Variants in DNMT1 observed in about 807,000 individuals in gnomAD.
The protein encoded by DNMT1 is DNA methyltransferase 1.
Under a neutral mutation model 205.3 loss-of-function variants are expected in DNMT1, and 24 were observed. That is an observed-to-expected ratio of 0.12 (90% CI 0.08 to 0.16). DNMT1 has a LOEUF of 0.16. Ranked by LOEUF, DNMT1 falls within the 10% of genes least tolerant of loss-of-function variation. The probability of loss-of-function intolerance (pLI) is 1.00; values close to 1 mark genes in which losing one functional copy is unlikely to be tolerated. For synonymous variants in DNMT1, 817 were observed against 839.8 expected, an observed-to-expected ratio of 0.97 and a Z score of 0.47; for missense variants, 1,293 against 2,177.7, an observed-to-expected ratio of 0.59 and a Z score of 8.09.
intron 5 of DNMT1, among the ~76,000 whole-genome samples, chr19:10,178,896 G>A (rs1431831322): frequency 2.0e-5 from 3 of 152,074 alleles, no homozygotes; most frequent in Non-Finnish European, 4.4e-5. Context: ...GGAGGCCGAG[G>A]CGGGCGGATC....
chr19:10,154,458 C>T lies in DNMT1; in HGVS notation c.1854G>A (p.Gln618=). ...LGQRRAQARR[Q]TIRHSTREKD... is the part of the protein sequence containing the mutation. ...TCTCCCTGGTAGAATGCCTGATGGT[C>T]TGCCGCCTCGCCTGGGCTCGCCTAC... is the stretch of plus-strand genomic sequence containing the variant. The change falls in exon 22 of 41, where the codon CAG becomes CAA. Residue 618 remains glutamine, a synonymous_variant. Transcript: ENST00000359526. The surrounding 1 kb of genome is among the most constrained non-coding windows in gnomAD (Gnocchi z 6.3). 6.2e-7 allele frequency: 1 copy of T among 1,614,246 alleles called. No individual in the cohort carries two copies. The highest frequency in any genetic ancestry group is 8.5e-7 in the Non-Finnish European group (1 of 1,180,054).
Position 10,135,868 on chromosome 19 carries a change from G to T in DNMT1, c.4657-16C>A, listed in dbSNP as rs770715170. 5 of 1,543,416 alleles carry T rather than the reference G, an allele frequency of 3.2e-6. No individual in the cohort carries two copies. In the African/African-American group the frequency reaches 5.5e-5, roughly 17 times the overall value. On this transcript the variant is annotated splice_polypyrimidine_tract_variant and intron_variant, in intron 38 of 40. Transcript: ENST00000359526. ...GCACGCGGCCCTGGGGGAAAGAGGCGCGGTGGGCGAGGGCAGTAGCACCCA... is the reference window on the plus strand; with the variant it reads ...GCACGCGGCCCTGGGGGAAAGAGGCTCGGTGGGCGAGGGCAGTAGCACCCA...
chr19:10,138,012 G>A lies in DNMT1; in HGVS notation c.4116-3C>T. The A allele has an allele frequency of 6.2e-7, 1 of 1,609,396 alleles. No homozygotes were observed. Among genetic ancestry groups the A allele is most frequent in the Non-Finnish European group, 8.5e-7 (1 of 1,178,186 alleles). ...TCCGGAAAGGACCCGAGCTCAACCT[G>A]CAACAGAGGAGGAGGTCAACACCTC... On this transcript the variant is annotated splice_polypyrimidine_tract_variant and splice_region_variant and intron_variant, in intron 35 of 40. Coordinates refer to ENST00000359526, the MANE Select transcript of DNMT1 (RefSeq NM_001130823.3). The surrounding 1 kb of genome is among the most constrained non-coding windows in gnomAD (Gnocchi z 4.1).
intron 28 of DNMT1, chr19:10,144,191 C>T: frequency 1.5e-5 from 9 of 612,508 alleles, no homozygotes; most frequent in Non-Finnish European, 2.7e-5. Flanking sequence ...AGGTGGACCA[C>T]AAGGTCAGAA....
chr19:10,134,352 C>G, intron 39 of DNMT1, 45 bp from the exon 40 acceptor site: 2 of 1,584,802 alleles, frequency 1.3e-6, no homozygotes, highest in Non-Finnish European at 1.7e-6. Flanking sequence ...ACACCCAGGC[C>G]CAAGGCCCGG....
In DNMT1 at chr19:10,140,300, C is replaced by T; in HGVS notation, c.3552G>A (p.Glu1184=). ...ACGCCTGGGCCGCAGGGTCCCACAT[C>T]TCGATGGCCCACAGCGTGTCAGAGA... The part of the protein sequence containing the change: ...AGISDTLWAI[E]MWDPAAQAFR... The change falls in exon 33 of 41, where the codon GAG becomes GAA. Residue 1184 remains glutamate (E), a synonymous_variant. Coordinates refer to ENST00000359526, the MANE Select transcript of DNMT1 (RefSeq NM_001130823.3). This position sits in a 1 kb window ranked among gnomAD's most constrained non-coding sequence, Gnocchi z 8.4. 3 of 1,613,956 alleles carry T rather than the reference C, an allele frequency of 1.9e-6. No individual in the cohort carries two copies. The highest frequency in any genetic ancestry group is 2.5e-6 in the Non-Finnish European group (3 of 1,180,036).
At position 10,156,618 on chromosome 19, in the gene DNMT1, CTTTT is replaced by C. The variant is rs1289118396; in HGVS notation, c.1281-113_1281-110del. 2.4e-6 allele frequency: 2 copies of C among 822,486 alleles called. No individual in the cohort carries two copies. Among genetic ancestry groups the C allele is most frequent in the African/African-American group, 1.7e-5 (1 of 59,402 alleles). The allele number at this position is 822,486 out of a possible 1,614,324, so 50.9% of individuals were successfully genotyped here. A position where few individuals can be genotyped will look rare whatever the true frequency, so the allele number is the denominator to read the frequency against. ...TGAGAGAATGTACAAGTCTGACACT[CTTTT>C]TTTGTTTGTTTTTGAGACAGAGTCT... On this transcript the variant is annotated intron_variant, in intron 17 of 40. Transcript: ENST00000359526. This position sits in a 1 kb window ranked among gnomAD's most constrained non-coding sequence, Gnocchi z 4.2.
rs944557336 is a variant in DNMT1 at position 10,133,618 on chromosome 19, C to G, written c.*49G>C. 1 of 1,570,120 alleles carries G rather than the reference C, an allele frequency of 6.4e-7. No homozygotes were observed. The highest frequency in any genetic ancestry group is 1.4e-5 in the African/African-American group (1 of 73,976). ...ACATGTTAAAAACACAACATCAGTG[C>G]ATGTTGGGGATTCCTGGTGCCAGAA... On this transcript the variant is annotated 3_prime_UTR_variant, in exon 41 of 41. Coordinates refer to ENST00000359526, the MANE Select transcript of DNMT1 (RefSeq NM_001130823.3). This position sits in a 1 kb window ranked among gnomAD's most constrained non-coding sequence, Gnocchi z 4.1.
chr19:10,160,520 A>G (rs2038546577), intron 13 of DNMT1, 102 bp from the exon 14 acceptor site: 2 of 1,324,996 alleles, frequency 1.5e-6, no homozygotes, highest in Admixed American at 3.6e-5. Context: ...ATCATAAAAC[A>G]GAGAGAAGGG....
intron 7 of DNMT1, among the ~76,000 whole-genome samples, chr19:10,174,280 T>C (rs772752983): frequency 1.8e-4 from 27 of 152,014 alleles, no homozygotes; most frequent in Non-Finnish European, 2.9e-4. Context: ...ACTTAGCTCA[T>C]TGGCATGCGC....
rs536302046 is a variant in DNMT1 at position 10,170,774 on chromosome 19, TTTTTGTTTGTTTG to T, written c.768+2303_768+2315del. On this transcript the variant is annotated intron_variant, in intron 9 of 40. Transcript: ENST00000359526. The stretch of plus-strand genomic sequence containing the variant: ...AGAAACTTCTAGTCATCTTGGTTTT[TTTTTGTTTGTTTG>T]TTTTGTTTGTTTGTTTGTTTGTTTT... 3.0e-4 allele frequency among the ~76,000 whole-genome samples: 46 copies of T among 151,810 alleles called. No individual in the cohort carries two copies. In the East Asian group the frequency reaches 5.8e-3, roughly 19 times the overall value.
rs2089596132 is a variant in DNMT1 at position 10,141,306 on chromosome 19, C to A, written c.3310-117G>T. ...AATTTCTCCCTCAGTGGGGCCATGA[C>A]CAATTAGCCACCAATAAGAGTAGTT... On this transcript the variant is annotated intron_variant, in intron 30 of 40. Coordinates refer to ENST00000359526, the MANE Select transcript of DNMT1 (RefSeq NM_001130823.3). 7.2e-6 allele frequency: 7 copies of A among 972,690 alleles called. No individual in the cohort carries two copies. The South Asian group carries it at 7.9e-5, about 11-fold the overall frequency. The allele number at this position is 972,690 out of a possible 1,614,324, so 60.3% of individuals were successfully genotyped here.
intron 1 of DNMT1, chr19:10,194,387 A>C: frequency 1.3e-5 from 2 of 151,602 alleles, no homozygotes; most frequent in South Asian, 2.1e-4. Context: ...GCCCCCGGGG[A>C]CCGGGCCGGA....
chr19:10,159,971 C>A lies in DNMT1; in HGVS notation c.1089+47G>T. The A allele has an allele frequency of 6.2e-7, 1 of 1,614,200 alleles. No homozygotes were observed. Among genetic ancestry groups the A allele is most frequent in the South Asian group, 1.1e-5 (1 of 91,084 alleles). On this transcript the variant is annotated intron_variant, in intron 15 of 40. Transcript: ENST00000359526. The surrounding 1 kb of genome is among the most constrained non-coding windows in gnomAD (Gnocchi z 5.0). Reference sequence around the variant, plus strand: ...ATGGCACTCAGAGAGCAGCTCCCAGCCGCCTCGTGAGCGCCGCCACCGGCT... The same window carrying A: ...ATGGCACTCAGAGAGCAGCTCCCAGACGCCTCGTGAGCGCCGCCACCGGCT...
chr19:10,135,332 A>G (rs2089455769), intron 39 of DNMT1: 2 of 254,164 alleles, frequency 7.9e-6, no homozygotes, highest in African/African-American at 2.2e-5. Context: ...CGCGTGCCCT[A>G]TGATGAAAAT....
At chr19:10,135,710 G>C in intron 39 of DNMT1, 26 bp downstream of exon 39, 2 of 1,601,746 alleles carry the variant, frequency 1.2e-6, no homozygotes, top group African/African-American at 2.7e-5. Flanking sequence ...TTCCTGTCCA[G>C]ACCCAGCGGG....
rs1568228059 is a variant in DNMT1, at chr19:10,146,397, G to C, written c.2848C>G (p.Arg950Gly). ...YSATKNGILY[R>G]VGDGVYLPPE... ...GGCAGGTACACACCATCACCAACTC[G>C]GTACAGGATGCCGTTCTTGGTGGCT... The change falls in exon 28 of 41, where the codon CGA becomes GGA. Residue 950 changes from arginine to glycine, a missense_variant. This residue lies in a region of DNMT1 where 112 missense variants were observed against 116.6 expected (regional missense o/e 0.96). Transcript: ENST00000359526. The surrounding 1 kb of genome is among the most constrained non-coding windows in gnomAD (Gnocchi z 4.4). The C allele has an allele frequency of 6.2e-7, 1 of 1,613,994 alleles. No individual in the cohort carries two copies.
chr19:10,191,601 G>T (rs2039306216), intron 1 of DNMT1, among the ~76,000 whole-genome samples: 1 of 152,152 alleles, frequency 6.6e-6, no homozygotes, highest in Non-Finnish European at 1.5e-5. Context: ...TGGCCTACTG[G>T]CAACCCCTGT....
In DNMT1 at chr19:10,139,946, C is replaced by CG. The variant is rs1026988625; in HGVS notation, c.3806+99dup. ...TGGTGAGAGCTGAGCTGTGAGCTTC[C>CG]GGGGGGCAGAGGCCTCAGTGCAGGG... On this transcript the variant is annotated intron_variant, in intron 33 of 40. Transcript: ENST00000359526. The CG allele has an allele frequency of 4.3e-5, 68 of 1,593,318 alleles. No individual in the cohort carries two copies. In the African/African-American group the frequency reaches 6.6e-4, roughly 15 times the overall value.
Sources: gnomAD v4.1 joint callset for allele counts (sites outside exome capture counted in the v4.1 genomes callset) on GRCh38, gnomAD v4.1.1 for gene constraint, gnomAD v4.1.1 regional missense constraint, Gnocchi (gnomAD v3.1) non-coding constraint, MANE v1.5 for transcripts, NCBI Gene and HGNC (gene_info 2026-07-23, HGNC 2026-07-21) for gene names.